Variants in KCNQ1OT1 observed in about 807,000 individuals in gnomAD.
KCNQ1OT1 encodes KCNQ1 opposite strand/antisense transcript 1.
chr11:2,668,769 T>TA lies in KCNQ1OT1; in HGVS notation n.31225_31226insT. 2.5e-6 allele frequency: 1 copy of TA among 398,654 alleles called. No homozygotes were observed. The highest frequency in any genetic ancestry group is 4.4e-6 in the Non-Finnish European group (1 of 226,078). The allele number at this position is 398,654 out of a possible 1,614,324, so 24.7% of individuals were successfully genotyped here. A position where few individuals can be genotyped will look rare whatever the true frequency, so the allele number is the denominator to read the frequency against. ...GCAGGCTGCCTTCTTCCTCTCTTGA[T>TA]GGTGTCTTTTGATGAACAGAAGGTC... On this transcript the variant is annotated non_coding_transcript_exon_variant, in exon 1 of 1. Coordinates refer to ENST00000597346, the Ensembl canonical transcript of KCNQ1OT1. This position sits in a 1 kb window ranked among gnomAD's most constrained non-coding sequence, Gnocchi z 4.3.
rs563135379 is a variant in KCNQ1OT1, at chr11:2,691,185, G to C, written n.8810C>G. ...CACAGCCTTGGGAGGGGTGCTCAGA[G>C]CTCAGCTGTGTTTAAAAATTAGCAA... On this transcript the variant is annotated non_coding_transcript_exon_variant, in exon 1 of 1. Transcript: ENST00000597346. This position sits in a 1 kb window ranked among gnomAD's most constrained non-coding sequence, Gnocchi z 6.4. 2 of 398,674 alleles carry C rather than the reference G, an allele frequency of 5.0e-6. No homozygotes were observed. The highest frequency in any genetic ancestry group is 4.4e-5 in the Admixed American group (1 of 22,738). The allele number at this position is 398,674 out of a possible 1,614,324, so 24.7% of individuals were successfully genotyped here.
chr11:2,632,230 A>ACTTACTATCCT (rs1849370224), exon 1 of KCNQ1OT1: 1 of 397,098 alleles, frequency 2.5e-6, no homozygotes, highest in African/African-American at 2.1e-5. Context: ...TTGTGTACTG[A>ACTTACTATCCT]CTTACTATCC....
exon 1 of KCNQ1OT1, chr11:2,616,871 A>C (rs1849073923): frequency 2.5e-6 from 1 of 398,142 alleles, no homozygotes; most frequent in Non-Finnish European, 4.4e-6. Flanking sequence ...TGGAGTGTCC[A>C]TATATGTTTG....
exon 1 of KCNQ1OT1, chr11:2,666,680 G>T (rs1391265857): frequency 1.0e-5 from 4 of 398,568 alleles, no homozygotes; most frequent in Admixed American, 4.4e-5. Context: ...GACCAGCTTG[G>T]CCTGGGACAT....
chr11:2,633,352 T>C, exon 1 of KCNQ1OT1: 1 of 398,540 alleles, frequency 2.5e-6, no homozygotes, highest in Non-Finnish European at 4.4e-6. Context: ...ATTATTTCCT[T>C]TTATGTGTAG....
In KCNQ1OT1 at chr11:2,669,131, T is replaced by C. The variant is rs1318306510; in HGVS notation, n.30864A>G. ...TACGTGTGGCTCTGTTTCTGGACCC[T>C]ATTGGGTGCCACTGGTCAGATTCAA... On this transcript the variant is annotated non_coding_transcript_exon_variant, in exon 1 of 1. Coordinates refer to ENST00000597346, the Ensembl canonical transcript of KCNQ1OT1. The surrounding 1 kb of genome is among the most constrained non-coding windows in gnomAD (Gnocchi z 5.6). 4.5e-5 allele frequency: 18 copies of C among 398,712 alleles called. No individual in the cohort carries two copies. In the Admixed American group the frequency reaches 7.0e-4, roughly 16 times the overall value. 24.7% of individuals were successfully genotyped at this position (398,712 alleles called of 1,614,324 possible).
In KCNQ1OT1 at chr11:2,698,603, C is replaced by A; in HGVS notation, n.1392G>T. 1 of 398,600 alleles carries A rather than the reference C, an allele frequency of 2.5e-6. No individual in the cohort carries two copies. The allele number at this position is 398,600 out of a possible 1,614,324, so 24.7% of individuals were successfully genotyped here. ...CCACCTAGAGGCAGAACTTCGACTT[C>A]AATTCCTGACTCCCATACCCCACTG... On this transcript the variant is annotated non_coding_transcript_exon_variant, in exon 1 of 1. Coordinates refer to ENST00000597346, the Ensembl canonical transcript of KCNQ1OT1. The surrounding 1 kb of genome is among the most constrained non-coding windows in gnomAD (Gnocchi z 5.1).
Position 2,612,213 on chromosome 11 carries a change from C to T in KCNQ1OT1, n.87782G>A, listed in dbSNP as rs541506714. ...AAGCATTACTGCCTGAGCTCTGCCT[C>T]CTGTCTGATCAGTGATGGCATTAGA... On this transcript the variant is annotated non_coding_transcript_exon_variant, in exon 1 of 1. Transcript: ENST00000597346. This position sits in a 1 kb window ranked among gnomAD's most constrained non-coding sequence, Gnocchi z 5.5. The T allele has an allele frequency of 2.5e-6, 1 of 398,618 alleles. No homozygotes were observed. The highest frequency in any genetic ancestry group is 4.4e-5 in the Admixed American group (1 of 22,738). The allele number at this position is 398,618 out of a possible 1,614,324, so 24.7% of individuals were successfully genotyped here. A position where few individuals can be genotyped will look rare whatever the true frequency, so the allele number is the denominator to read the frequency against.
At chr11:2,696,442 C>T (rs576629152) in exon 1 of KCNQ1OT1, 1 of 398,696 alleles carries the variant, frequency 2.5e-6, no homozygotes. Context: ...TCTTCTGGGC[C>T]TCTGTCACCA....
exon 1 of KCNQ1OT1, chr11:2,684,988 G>A: frequency 5.0e-6 from 2 of 398,658 alleles, no homozygotes; most frequent in Non-Finnish European, 8.8e-6. Context: ...TTACGGACTG[G>A]TTGCTTTTCA....
At position 2,668,806 on chromosome 11, in the gene KCNQ1OT1, G is replaced by A; in HGVS notation, n.31189C>T. 1 of 398,572 alleles carries A rather than the reference G, an allele frequency of 2.5e-6. No individual in the cohort carries two copies. The highest frequency in any genetic ancestry group is 4.4e-6 in the Non-Finnish European group (1 of 226,072). The allele number at this position is 398,572 out of a possible 1,614,324, so 24.7% of individuals were successfully genotyped here. A position where few individuals can be genotyped will look rare whatever the true frequency, so the allele number is the denominator to read the frequency against. The stretch of plus-strand genomic sequence containing the variant: ...ATGAACAGAAGGTCTTAATTTTCAT[G>A]TGGTCCAGTTAATCAAACATTTCCT... On this transcript the variant is annotated non_coding_transcript_exon_variant, in exon 1 of 1. Coordinates refer to ENST00000597346, the Ensembl canonical transcript of KCNQ1OT1. This position sits in a 1 kb window ranked among gnomAD's most constrained non-coding sequence, Gnocchi z 4.3.
At position 2,652,323 on chromosome 11, in the gene KCNQ1OT1, A is replaced by C. The variant is rs533113425; in HGVS notation, n.47672T>G. 47 of 398,678 alleles carry C rather than the reference A, an allele frequency of 1.2e-4. 1 individual carries two copies. The East Asian group carries it at 1.4e-3, about 12-fold the overall frequency. The allele number at this position is 398,678 out of a possible 1,614,324, so 24.7% of individuals were successfully genotyped here. Reference sequence around the variant, plus strand: ...ACTAATTGCTTTGATTATTGTGTGAAGTTAAGAACTGGCACATTTCCGCGA... The same window carrying C: ...ACTAATTGCTTTGATTATTGTGTGACGTTAAGAACTGGCACATTTCCGCGA... On this transcript the variant is annotated non_coding_transcript_exon_variant, in exon 1 of 1. Coordinates refer to ENST00000597346, the Ensembl canonical transcript of KCNQ1OT1. This position sits in a 1 kb window ranked among gnomAD's most constrained non-coding sequence, Gnocchi z 5.9.
rs527814173 is a variant in KCNQ1OT1 at position 2,660,808 on chromosome 11, T to A, written n.39187A>T. The A allele has an allele frequency of 9.8e-5, 39 of 398,606 alleles. No homozygotes were observed. In the East Asian group the frequency reaches 1.4e-3, roughly 14 times the overall value. The allele number at this position is 398,606 out of a possible 1,614,324, so 24.7% of individuals were successfully genotyped here. ...TGGGAAAGCAATCTAGCAACATTTA[T>A]TAAAATTACTAAGGACACACCCTCT... On this transcript the variant is annotated non_coding_transcript_exon_variant, in exon 1 of 1. Transcript: ENST00000597346.
chr11:2,698,454 G>A lies in KCNQ1OT1; in HGVS notation n.1541C>T, dbSNP rs1850715001. The A allele has an allele frequency of 2.5e-6, 1 of 398,286 alleles. No individual in the cohort carries two copies. Among genetic ancestry groups the A allele is most frequent in the South Asian group, 1.3e-4 (1 of 7,838 alleles). 24.7% of individuals were successfully genotyped at this position (398,286 alleles called of 1,614,324 possible). On this transcript the variant is annotated non_coding_transcript_exon_variant, in exon 1 of 1. Coordinates refer to ENST00000597346, the Ensembl canonical transcript of KCNQ1OT1. The surrounding 1 kb of genome is among the most constrained non-coding windows in gnomAD (Gnocchi z 5.1). ...ACTACCCAGACTGAGACCTGCATCT[G>A]ATCAACTCTCATCTCCAATATGACC...
exon 1 of KCNQ1OT1, chr11:2,694,928 G>T (rs1305328485): frequency 5.0e-6 from 2 of 398,596 alleles, no homozygotes; most frequent in Non-Finnish European, 8.8e-6. Flanking sequence ...GGCAGAGGTG[G>T]TGAAGGCCTT....
rs1849868116 is a variant in KCNQ1OT1, at chr11:2,657,354, T to G, written n.42641A>C. The G allele has an allele frequency of 2.0e-5, 8 of 398,514 alleles. No homozygotes were observed. Among genetic ancestry groups the G allele is most frequent in the Non-Finnish European group, 3.1e-5 (7 of 226,074 alleles). 24.7% of individuals were successfully genotyped at this position (398,514 alleles called of 1,614,324 possible). On this transcript the variant is annotated non_coding_transcript_exon_variant, in exon 1 of 1. Transcript: ENST00000597346. The surrounding 1 kb of genome is among the most constrained non-coding windows in gnomAD (Gnocchi z 4.8). ...TCTAGTCATTGGAATGAAGGCATAT[T>G]TCTCCATTTATATCTTCTTCATTGT... is the stretch of plus-strand genomic sequence containing the variant.
rs1850260626 is a variant in KCNQ1OT1, at chr11:2,674,721, A to G, written n.25274T>C. On this transcript the variant is annotated non_coding_transcript_exon_variant, in exon 1 of 1. Transcript: ENST00000597346. The surrounding 1 kb of genome is among the most constrained non-coding windows in gnomAD (Gnocchi z 5.9). ...TTTCCTGATGACTCCTTCCTTCTGA[A>G]CTTAACTCGTTAAAGTTGCTCCAAT... The G allele has an allele frequency of 1.8e-5, 7 of 398,028 alleles. No homozygotes were observed. In the East Asian group the frequency reaches 2.5e-4, roughly 14 times the overall value. The allele number at this position is 398,028 out of a possible 1,614,324, so 24.7% of individuals were successfully genotyped here.
exon 1 of KCNQ1OT1, chr11:2,641,544 T>C: frequency 2.5e-6 from 1 of 398,504 alleles, no homozygotes; most frequent in South Asian, 1.3e-4. Context: ...TAGTACCTTG[T>C]CAGATGAGTA....
rs1024917965 is a variant in KCNQ1OT1 at position 2,659,960 on chromosome 11, T to G, written n.40035A>C. 2 of 398,354 alleles carry G rather than the reference T, an allele frequency of 5.0e-6. No homozygotes were observed. The highest frequency in any genetic ancestry group is 8.9e-6 in the Non-Finnish European group (2 of 225,980). The allele number at this position is 398,354 out of a possible 1,614,324, so 24.7% of individuals were successfully genotyped here. A position where few individuals can be genotyped will look rare whatever the true frequency, so the allele number is the denominator to read the frequency against. On this transcript the variant is annotated non_coding_transcript_exon_variant, in exon 1 of 1. Coordinates refer to ENST00000597346, the Ensembl canonical transcript of KCNQ1OT1. The surrounding 1 kb of genome is among the most constrained non-coding windows in gnomAD (Gnocchi z 4.3). The stretch of plus-strand genomic sequence containing the variant: ...TGCAAGTCCTTGACCTGATAGGTGA[T>G]ATGCAAATATTCTTTCCAAGTCTGT...
Sources: gnomAD v4.1 joint callset for allele counts on GRCh38, gnomAD v4.1.1 for gene constraint, Gnocchi (gnomAD v3.1) non-coding constraint, MANE v1.5 for transcripts, NCBI Gene and HGNC (gene_info 2026-07-23, HGNC 2026-07-21) for gene names.